Variants in HERC1 observed in about 807,000 individuals in gnomAD.
HERC1 encodes probable E3 ubiquitin-protein ligase HERC1.
HERC1 carries 160 observed loss-of-function variants against 554.3 expected under a neutral mutation model. That is an observed-to-expected ratio of 0.29 (90% CI 0.25 to 0.33). The LOEUF (loss-of-function observed/expected upper bound fraction) is 0.33. HERC1 is among the 10% of genes least tolerant of loss of function. The probability of loss-of-function intolerance (pLI) is 1.00; values close to 1 mark genes in which losing one functional copy is unlikely to be tolerated. For synonymous variants in HERC1, 2,175 were observed against 2,131.7 expected (o/e 1.02, Z -0.56); for missense variants, 4,919 against 5,918.5 (o/e 0.83, Z 5.54).
chr15:63,771,740 T>G (rs2075963670), intron 2 of HERC1, among the ~76,000 whole-genome samples: 1 of 152,076 alleles, frequency 6.6e-6, no homozygotes, highest in Admixed American at 6.5e-5. Context: ...GCCAGCAATC[T>G]AGTTTTTTAG....
intron 73 of HERC1, 75 bp from the exon 74 acceptor site, chr15:63,622,966 A>C (rs2068151296): frequency 1.2e-6 from 1 of 822,144 alleles, no homozygotes; most frequent in African/African-American, 1.8e-5. Flanking sequence ...TTACAAGATC[A>C]TACTGAAAAG....
rs188560259 is a variant in HERC1, at chr15:63,751,329, A to G, written c.1903-1538T>C. Among the ~76,000 whole-genome samples the G allele has an allele frequency of 2.3e-3, 349 of 152,330 alleles. 1 individual carries two copies. Among genetic ancestry groups the G allele is most frequent in the African/African-American group, 7.7e-3 (322 of 41,582 alleles). Reference sequence around the variant, plus strand: ...AGTACAGGTTTGTAACCTAGGAGCAATAGGCTATACCATATAGTCTAGGAG... The same window carrying G: ...AGTACAGGTTTGTAACCTAGGAGCAGTAGGCTATACCATATAGTCTAGGAG... On this transcript the variant is annotated intron_variant, in intron 8 of 77. Coordinates refer to ENST00000443617, the MANE Select transcript of HERC1 (RefSeq NM_003922.4).
chr15:63,708,988 C>A (rs958963701), intron 24 of HERC1, among the ~76,000 whole-genome samples: 4 of 152,028 alleles, frequency 2.6e-5, no homozygotes, highest in African/African-American at 9.7e-5. Flanking sequence ...GATCAAAAGT[C>A]AATCTGGTGT....
chr15:63,637,753 T>G (rs936581786), intron 63 of HERC1, 110 bp from the exon 64 acceptor site: 3 of 941,918 alleles, frequency 3.2e-6, no homozygotes, highest in Non-Finnish European at 4.6e-6. Context: ...AATTGTTTTA[T>G]CCTTTTACTG....
chr15:63,748,189 G>A (rs1037971161), intron 10 of HERC1, among the ~76,000 whole-genome samples: 2 of 152,078 alleles, frequency 1.3e-5, no homozygotes, highest in Admixed American at 1.3e-4. Context: ...CTGTATCACT[G>A]CACTCCAGCC....
chr15:63,705,856 T>C (rs1446183113), intron 25 of HERC1, among the ~76,000 whole-genome samples: 1 of 151,912 alleles, frequency 6.6e-6, no homozygotes, highest in East Asian at 1.9e-4. Context: ...TAGGGAGACC[T>C]TATCTCTACA....
chr15:63,681,581 A>G (rs537467117), intron 34 of HERC1, among the ~76,000 whole-genome samples: 2 of 151,668 alleles, frequency 1.3e-5, no homozygotes, highest in Admixed American at 6.6e-5. Flanking sequence ...AGTTTCTTAC[A>G]CTGATTTAAA....
Position 63,669,606 on chromosome 15 carries a change from T to C in HERC1, c.8138A>G (p.Asp2713Gly). ...TAAACTTTGCCTCCTTCCTACTTCATCAGAAGGAGAGGTTGGTAACGAAGA... is the reference window on the plus strand; with the variant it reads ...TAAACTTTGCCTCCTTCCTACTTCACCAGAAGGAGAGGTTGGTAACGAAGA... ...PISSLPTSPS[D>G]EVGRRQSLTS... The change falls in exon 40 of 78, where the codon GAT (aspartate) becomes GGT (glycine). Residue 2713 changes from aspartate (D) to glycine (G), a missense_variant. Physicochemically the swap from Asp to Gly is moderately conservative, Grantham distance 94 (BLOSUM62 -1). Around this residue, in one of 11 missense-constraint regions of HERC1, gnomAD observed 1,963 missense variants for 2,228.6 expected, o/e 0.88. Coordinates refer to ENST00000443617, the MANE Select transcript of HERC1 (RefSeq NM_003922.4). 1 of 1,613,846 alleles carries C rather than the reference T, an allele frequency of 6.2e-7. No homozygotes were observed. The highest frequency in any genetic ancestry group is 8.5e-7 in the Non-Finnish European group (1 of 1,179,736).
At chr15:63,739,521 C>G (rs1382412179) in intron 12 of HERC1, among the ~76,000 whole-genome samples, 1 of 151,852 alleles carries the variant, frequency 6.6e-6, no homozygotes, top group Admixed American at 6.6e-5. Flanking sequence ...TATGGACTTG[C>G]TTACTCTGCA....
At chr15:63,625,484 A>G (rs555900477) in intron 71 of HERC1, among the ~76,000 whole-genome samples, 2 of 152,238 alleles carry the variant, frequency 1.3e-5, no homozygotes, top group African/African-American at 4.8e-5. Context: ...ATTTGAGGTC[A>G]GGAGTTCGAG....
intron 51 of HERC1, among the ~76,000 whole-genome samples, chr15:63,653,424 G>A (rs944995818): frequency 6.6e-6 from 1 of 152,098 alleles, no homozygotes; most frequent in African/African-American, 2.4e-5. Flanking sequence ...GTCTGGGTGA[G>A]ACTCCGTTAA....
intron 57 of HERC1, 26 bp from the exon 58 acceptor site, chr15:63,643,576 A>G (rs1456198271): frequency 3.4e-6 from 5 of 1,477,816 alleles, no homozygotes; most frequent in Non-Finnish European, 4.6e-6. Context: ...TTTAACATGC[A>G]TTAAAATAAA....
At chr15:63,830,687 T>C (rs1277629524) in intron 1 of HERC1, among the ~76,000 whole-genome samples, 2 of 152,352 alleles carry the variant, frequency 1.3e-5, no homozygotes, top group Non-Finnish European at 2.9e-5. Flanking sequence ...AACTCTGTAC[T>C]CTCTCTGTAA....
chr15:63,785,248 A>C (rs1349398844), intron 1 of HERC1, among the ~76,000 whole-genome samples: 1 of 152,082 alleles, frequency 6.6e-6, no homozygotes, highest in Non-Finnish European at 1.5e-5. Context: ...ACATAGCAAG[A>C]CATTACCTTG....
chr15:63,729,245 T>C lies in HERC1; in HGVS notation c.3145A>G (p.Lys1049Glu), dbSNP rs1213584584. ...GAAATACCAAACTCACCTCTTAATT[T>C]TTCTCCAACACTGCCATTCCAAGGA... ...ESPWNGSVGE[K>E]LRDVIYVSAA... Residue 1049 changes from lysine to glutamate, a missense_variant, in exon 16 of 78, where the codon AAA becomes GAA. By Grantham distance (56) the Lys-to-Glu change is moderately conservative. Transcript: ENST00000443617. The C allele has an allele frequency of 6.3e-7, 1 of 1,596,530 alleles. No individual in the cohort carries two copies. Among genetic ancestry groups the C allele is most frequent in the Non-Finnish European group, 8.5e-7 (1 of 1,175,200 alleles).
At chr15:63,639,036 C>G (rs546824382) in intron 61 of HERC1, among the ~76,000 whole-genome samples, 4 of 152,248 alleles carry the variant, frequency 2.6e-5, no homozygotes, top group African/African-American at 9.6e-5. Context: ...TTCTGAACAC[C>G]CACAGGTACA....
In HERC1 at chr15:63,652,449, T is replaced by C. The variant is rs772730922; in HGVS notation, c.10383A>G (p.Gln3461=). ...ACACACAGGTCTGTTGCAGTGAATA[T>C]TGCTTCTTGGTAACATTCCATACGC... ...TIRVWNVTKK[Q]YSLQQTCVFN... Residue 3461 remains glutamine (Q), a synonymous_variant, in exon 52 of 78, where the codon CAA becomes CAG. Coordinates refer to ENST00000443617, the MANE Select transcript of HERC1 (RefSeq NM_003922.4). 8.1e-6 allele frequency: 13 copies of C among 1,612,930 alleles called. No homozygotes were observed. The highest frequency in any genetic ancestry group is 1.1e-5 in the South Asian group (1 of 90,882).
chr15:63,690,977 G>C (rs1417128360), intron 31 of HERC1, among the ~76,000 whole-genome samples: 1 of 152,126 alleles, frequency 6.6e-6, no homozygotes, highest in South Asian at 2.1e-4. Context: ...TTACTGTTGA[G>C]AAAAATGAGG....
chr15:63,812,236 G>A (rs1482048014), intron 1 of HERC1, among the ~76,000 whole-genome samples: 1 of 152,168 alleles, frequency 6.6e-6, no homozygotes, highest in Non-Finnish European at 1.5e-5. Flanking sequence ...CGAATAGCCT[G>A]GTTCACCAAA....
Sources: allele counts gnomAD v4.1 joint callset (sites outside exome capture counted in the v4.1 genomes callset), GRCh38; gene constraint gnomAD v4.1.1; regional missense constraint gnomAD v4.1.1; transcripts MANE v1.5; gene names NCBI Gene and HGNC (gene_info 2026-07-23, HGNC 2026-07-21).